Variants in SCN9A observed in about 807,000 individuals in gnomAD.
SCN9A encodes the protein sodium voltage-gated channel alpha subunit 9, also known as sodium channel protein type 9 subunit alpha.
A neutral mutation model predicts 187.0 loss-of-function variants in SCN9A; 131 were observed. The observed-to-expected ratio is 0.70, with a 90% CI of 0.61 to 0.81. The LOEUF (loss-of-function observed/expected upper bound fraction) is 0.81. Among genes scored for constraint, SCN9A ranks in the 30% least tolerant of loss-of-function variants. The pLI is 0.00. For missense variants in SCN9A, 2,252 were observed against 2,396.6 expected, an observed-to-expected ratio of 0.94 and a Z score of 1.26; for synonymous variants, 809 against 808.6, an observed-to-expected ratio of 1.00 and a Z score of -0.01.
At chr2:166,353,769 A>C (rs1700093450) in intron 1 of SCN9A, among the ~76,000 whole-genome samples, 1 of 152,088 alleles carries the variant, frequency 6.6e-6, no homozygotes, top group Non-Finnish European at 1.5e-5. Flanking sequence ...CAGTCCCCTA[A>C]ATGCGGATTT....
At chr2:166,325,428 A>G (rs1699339151) in intron 1 of SCN9A, among the ~76,000 whole-genome samples, 1 of 152,076 alleles carries the variant, frequency 6.6e-6, no homozygotes, top group South Asian at 2.1e-4. Flanking sequence ...CTATAAATGC[A>G]CTCTCCTGGG....
At chr2:166,357,166 A>G (rs1191301982) in intron 1 of SCN9A, among the ~76,000 whole-genome samples, 2 of 152,100 alleles carry the variant, frequency 1.3e-5, no homozygotes, top group Non-Finnish European at 2.9e-5. Flanking sequence ...CTATGTGTCC[A>G]TGTGTTCTCA....
At chr2:166,204,265 T>C in intron 25 of SCN9A, 40 bp from the exon 26 acceptor site, 1 of 1,582,910 alleles carries the variant, frequency 6.3e-7, no homozygotes, top group Non-Finnish European at 8.6e-7. Context: ...CAGAGTAAAC[T>C]TTTCAAGTAT....
chr2:166,257,249 T>C (rs917416238), intron 17 of SCN9A, among the ~76,000 whole-genome samples: 4 of 151,398 alleles, frequency 2.6e-5, no homozygotes, highest in Non-Finnish European at 5.9e-5. Context: ...ATGCAACAAG[T>C]AGGTAAAGAA....
In SCN9A at chr2:166,373,004, TC is replaced by T. The variant is rs576585621; in HGVS notation, c.-51+2692del. Among the ~76,000 whole-genome samples the T allele has an allele frequency of 1.4e-4, 22 of 152,150 alleles. 1 individual carries two copies. In the South Asian group the frequency reaches 4.6e-3, roughly 32 times the overall value. On this transcript the variant is annotated intron_variant, in intron 1 of 26. Transcript: ENST00000642356. ...GGACAACCTACTTTTAACAAGATGA[TC>T]AAAAATGATCTTTCCAAAACAAAAA...
intron 12 of SCN9A, among the ~76,000 whole-genome samples, chr2:166,282,597 CACAA>C (rs1185466482): frequency 2.6e-5 from 4 of 152,106 alleles, no homozygotes; most frequent in African/African-American, 9.7e-5. Flanking sequence ...CACATATATA[CACAA>C]ACAACTATAC....
At chr2:166,216,306 C>T (rs1694329918) in intron 24 of SCN9A, among the ~76,000 whole-genome samples, 1 of 152,094 alleles carries the variant, frequency 6.6e-6, no homozygotes, top group Non-Finnish European at 1.5e-5. Flanking sequence ...GGGAGCTTTT[C>T]TTCTAAGATC....
Position 166,281,556 on chromosome 2 carries a change from C to A in SCN9A, c.2104+123G>T, listed in dbSNP as rs574046587. 89 of 795,706 alleles carry A rather than the reference C, an allele frequency of 1.1e-4. 1 individual carries two copies. The South Asian group carries it at 2.2e-3, about 20-fold the overall frequency. 49.3% of individuals were successfully genotyped at this position (795,706 alleles called of 1,614,324 possible). On this transcript the variant is annotated intron_variant, in intron 13 of 26. Coordinates refer to ENST00000642356, the MANE Select transcript of SCN9A (RefSeq NM_001365536.1). ...AGTATCCATTGGTTATCTTTACCAT[C>A]ATTTAAAACCATTTTATGGTCTCTG...
At chr2:166,313,046 G>A (rs1204176401) in intron 1 of SCN9A, among the ~76,000 whole-genome samples, 2 of 21,116 alleles carry the variant, frequency 9.5e-5, no homozygotes, top group Non-Finnish European at 2.1e-4. Flanking sequence ...TTTCTGAATA[G>A]TAAAGAATAT....
intron 17 of SCN9A, among the ~76,000 whole-genome samples, chr2:166,266,949 T>C (rs1696767507): frequency 6.6e-6 from 1 of 152,002 alleles, no homozygotes; most frequent in African/African-American, 2.4e-5. Flanking sequence ...TACTACTTTT[T>C]TTCATGGGGT....
chr2:166,330,125 A>T (rs150115235), intron 1 of SCN9A, among the ~76,000 whole-genome samples: 3 of 152,320 alleles, frequency 2.0e-5, no homozygotes, highest in African/African-American at 7.2e-5. Context: ...AGGTTAAATC[A>T]TAACTTACTT....
At chr2:166,291,844 G>A (rs532357093) in intron 9 of SCN9A, among the ~76,000 whole-genome samples, 384 of 152,270 alleles carry the variant, frequency 2.5e-3, no homozygotes, top group African/African-American at 9.0e-3. Context: ...TATAATAAAT[G>A]GTGCTGGGGA....
Position 166,198,051 on chromosome 2 carries a change from C to T in SCN9A, c.*621G>A, listed in dbSNP as rs369978344. On this transcript the variant is annotated 3_prime_UTR_variant, in exon 27 of 27. Coordinates refer to ENST00000642356, the MANE Select transcript of SCN9A (RefSeq NM_001365536.1). ...GAAAAACATTTGTAGAAATGAATAG[C>T]CTACATATATTTTTAATCCCATGGC... is the stretch of plus-strand genomic sequence containing the variant. 6.6e-6 allele frequency: 1 copy of T among 152,170 alleles called. No homozygotes were observed. The highest frequency in any genetic ancestry group is 1.9e-4 in the East Asian group (1 of 5,174). 9.4% of individuals were successfully genotyped at this position (152,170 alleles called of 1,614,324 possible).
rs1239170354 is a variant in SCN9A at position 166,328,919 on chromosome 2, T to A, written c.-50-17113A>T. ...ATTTTAGTCTACAACATTTGAGTGA[T>A]TTAATTGGTAAAGTAATTGCTCTCA... On this transcript the variant is annotated intron_variant, in intron 1 of 26. Coordinates refer to ENST00000642356, the MANE Select transcript of SCN9A (RefSeq NM_001365536.1). 2.0e-5 allele frequency among the ~76,000 whole-genome samples: 3 copies of A among 152,314 alleles called. No homozygotes were observed. The East Asian group carries it at 5.8e-4, about 29-fold the overall frequency.
chr2:166,314,302 A>T (rs952980332), intron 1 of SCN9A, among the ~76,000 whole-genome samples: 1 of 152,188 alleles, frequency 6.6e-6, no homozygotes, highest in Non-Finnish European at 1.5e-5. Flanking sequence ...AAAGCCCCAT[A>T]AAATGAAGTA....
rs1005914336 is a variant in SCN9A, at chr2:166,196,597, A to T, written c.*2075T>A. ...ATATTTGTGAGTTTGAAATAACGGT[A>T]GATTGAATTCAAATTTAAGGTGATG... On this transcript the variant is annotated 3_prime_UTR_variant, in exon 27 of 27. Coordinates refer to ENST00000642356, the MANE Select transcript of SCN9A (RefSeq NM_001365536.1). The T allele has an allele frequency of 2.0e-5, 3 of 152,178 alleles. No homozygotes were observed. The highest frequency in any genetic ancestry group is 4.4e-5 in the Non-Finnish European group (3 of 67,996). 9.4% of individuals were successfully genotyped at this position (152,178 alleles called of 1,614,324 possible). A position where few individuals can be genotyped will look rare whatever the true frequency, so the allele number is the denominator to read the frequency against.
At chr2:166,280,831 A>G (rs1270830861) in intron 13 of SCN9A, among the ~76,000 whole-genome samples, 1 of 152,232 alleles carries the variant, frequency 6.6e-6, no homozygotes, top group Non-Finnish European at 1.5e-5. Flanking sequence ...CTGCAAGCAC[A>G]TATGTGGGCA....
chr2:166,254,622 C>A (rs1171044592), intron 17 of SCN9A, among the ~76,000 whole-genome samples: 1 of 151,188 alleles, frequency 6.6e-6, no homozygotes, highest in Non-Finnish European at 1.5e-5. Context: ...TGATTAATTT[C>A]TATATTATCT....
intron 20 of SCN9A, among the ~76,000 whole-genome samples, chr2:166,233,953 A>G (rs1695205140): frequency 1.3e-5 from 2 of 152,172 alleles, no homozygotes; most frequent in Non-Finnish European, 2.9e-5. Flanking sequence ...CAAATTCTCA[A>G]CAAGATTGCT....
Sources: gnomAD v4.1 joint callset for allele counts (sites outside exome capture counted in the v4.1 genomes callset) on GRCh38, gnomAD v4.1.1 for gene constraint, MANE v1.5 for transcripts, NCBI Gene and HGNC (gene_info 2026-07-23, HGNC 2026-07-21) for gene names.